The following RAD9B variants were observed in gnomAD, a reference collection of about 807,000 sequenced individuals.
The protein encoded by RAD9B is cell cycle checkpoint control protein RAD9B.
A neutral mutation model predicts 48.3 loss-of-function variants in RAD9B; 41 were observed. The observed-to-expected ratio is 0.85, with a 90% confidence interval of 0.66 to 1.10. The LOEUF is 1.10. Ranked by LOEUF, RAD9B falls within the 50% of genes least tolerant of loss-of-function variation. The pLI, the probability that RAD9B is intolerant of heterozygous loss-of-function variation, is 0.00. For synonymous variants in RAD9B, 160 were observed against 157.9 expected (o/e 1.01, Z -0.10); for missense variants, 444 against 485.1 (o/e 0.92, Z 0.80).
Position 110,515,098 on chromosome 12 carries a change from T to G in RAD9B, c.537T>G (p.Val179=), listed in dbSNP as rs1425730372. The G allele has an allele frequency of 2.6e-6, 4 of 1,557,228 alleles. 1 individual carries two copies. In the South Asian group the frequency reaches 4.7e-5, roughly 18 times the overall value. Residue 179 remains valine, a synonymous_variant, in exon 6 of 11, where the codon GTT becomes GTG. Transcript: ENST00000409300. ...TTTTTACATCAAGTCAAGAGGAAGT[T>G]ACTCTTGCTGTTACTCCACTGAATT... ...IVLFTSSQEE[V]TLAVTPLNFC... is the part of the protein sequence containing the mutation.
intron 4 of RAD9B, among the ~76,000 whole-genome samples, chr12:110,507,425 T>C (rs1213933859): frequency 7.1e-6 from 1 of 141,074 alleles, no homozygotes; most frequent in Non-Finnish European, 1.5e-5. Flanking sequence ...TAATATATAA[T>C]ATATATGTAT....
At chr12:110,528,372 G>T (rs73191836) in intron 10 of RAD9B, among the ~76,000 whole-genome samples, 12,181 of 152,248 alleles carry the variant, frequency 0.08, 530 homozygotes, top group Middle Eastern at 0.11. Context: ...TAGATTCAGG[G>T]CTTAGTAAGA....
rs78282443 is a variant in RAD9B at position 110,502,734 on chromosome 12, G to GT, written c.46+361dup. 6.2e-3 allele frequency: 1,118 copies of GT among 180,588 alleles called. 1 individual carries two copies. The highest frequency in any genetic ancestry group is 8.8e-3 in the Middle Eastern group (4 of 456). The allele number at this position is 180,588 out of a possible 1,614,324, so 11.2% of individuals were successfully genotyped here. A position where few individuals can be genotyped will look rare whatever the true frequency, so the allele number is the denominator to read the frequency against. On this transcript the variant is annotated intron_variant, in intron 1 of 10. Coordinates refer to ENST00000409300, the MANE Select transcript of RAD9B (RefSeq NM_001286535.2). Reference sequence around the variant, plus strand: ...GTGCCAAGAGAACAGCATTAACCTGGTTTTTTTTTTCCCCAGATTCTACCA... The same window carrying GT: ...GTGCCAAGAGAACAGCATTAACCTGGTTTTTTTTTTTCCCCAGATTCTACCA...
In RAD9B at chr12:110,518,438, A is replaced by G. The variant is rs2063675472; in HGVS notation, c.596-238A>G. 2.0e-5 allele frequency among the ~76,000 whole-genome samples: 3 copies of G among 152,228 alleles called. No individual in the cohort carries two copies. The South Asian group carries it at 6.2e-4, about 31-fold the overall frequency. ...TATTTAAACATAAACAGTTTAATTT[A>G]TGTGAAATGGACTTATAGACCCTGA... On this transcript the variant is annotated intron_variant, in intron 6 of 10. Coordinates refer to ENST00000409300, the MANE Select transcript of RAD9B (RefSeq NM_001286535.2).
At chr12:110,524,694 G>A (rs1159547137) in intron 10 of RAD9B, among the ~76,000 whole-genome samples, 2 of 152,036 alleles carry the variant, frequency 1.3e-5, no homozygotes, top group Admixed American at 6.5e-5. Flanking sequence ...AAGGTCAAGA[G>A]ATCGAGACCA....
In RAD9B at chr12:110,518,853, TTTC is replaced by T. The variant is rs757718002; in HGVS notation, c.703-15_703-13del. On this transcript the variant is annotated intron_variant, in intron 7 of 10. Transcript: ENST00000409300. ...AGTTTTTATAAGGATTTTAAGTTTT[TTTC>T]TTCTTTTCTTTTTTCAGGGAATACT... is the stretch of plus-strand genomic sequence containing the variant. 2 of 1,576,804 alleles carry T rather than the reference TTTC, an allele frequency of 1.3e-6. No individual in the cohort carries two copies. Among genetic ancestry groups the T allele is most frequent in the South Asian group, 1.2e-5 (1 of 85,892 alleles).
intron 1 of RAD9B, chr12:110,503,536 A>G: frequency 2.8e-6 from 1 of 360,864 alleles, no homozygotes; most frequent in Middle Eastern, 7.7e-4. Flanking sequence ...ATTGGTTTGC[A>G]CAGTAGCTCC....
Position 110,506,765 on chromosome 12 carries a change from A to G in RAD9B, c.388+72A>G. ...TAGTTTTCATGTTTAGAACATTGAT[A>G]TTTCATGTCAAGATTTCTCGTTACA... On this transcript the variant is annotated intron_variant, in intron 4 of 10. Transcript: ENST00000409300. 3 of 755,674 alleles carry G rather than the reference A, an allele frequency of 4.0e-6. No individual in the cohort carries two copies. The South Asian group carries it at 4.6e-5, about 12-fold the overall frequency. 46.8% of individuals were successfully genotyped at this position (755,674 alleles called of 1,614,324 possible).
chr12:110,507,431 T>C (rs1415539370), intron 4 of RAD9B, among the ~76,000 whole-genome samples: 1 of 140,896 alleles, frequency 7.1e-6, no homozygotes, highest in African/African-American at 2.6e-5. Flanking sequence ...ATAATATATA[T>C]GTATTAAATA....
chr12:110,510,291 T>G (rs1240222864), intron 4 of RAD9B, among the ~76,000 whole-genome samples: 1 of 152,232 alleles, frequency 6.6e-6, no homozygotes, highest in Non-Finnish European at 1.5e-5. Flanking sequence ...TGATTTGTTC[T>G]CTGCTAGTTC....
chr12:110,526,655 A>G (rs2063946847), intron 10 of RAD9B, among the ~76,000 whole-genome samples: 1 of 152,116 alleles, frequency 6.6e-6, no homozygotes, highest in African/African-American at 2.4e-5. Flanking sequence ...CATGCCTGTA[A>G]TCCCAGCACT....
intron 6 of RAD9B, among the ~76,000 whole-genome samples, chr12:110,516,051 AC>A (rs1433127188): frequency 1.3e-5 from 2 of 151,992 alleles, no homozygotes; most frequent in Non-Finnish European, 2.9e-5. Flanking sequence ...ACATAGTGAC[AC>A]CTCATCTTTA....
chr12:110,527,569 G>A (rs913532990), intron 10 of RAD9B, among the ~76,000 whole-genome samples: 3 of 152,254 alleles, frequency 2.0e-5, no homozygotes, highest in Admixed American at 2.0e-4. Context: ...GTTGTCTTGT[G>A]GTACTGTGCA....
chr12:110,530,872 G>T lies in RAD9B; in HGVS notation c.*219G>T. ...TTTAAATCCATTATGCTACTTGTGA[G>T]GCAGAAGAGTTTTCTGTGAAGGAAA... On this transcript the variant is annotated 3_prime_UTR_variant, in exon 11 of 11. Coordinates refer to ENST00000409300, the MANE Select transcript of RAD9B (RefSeq NM_001286535.2). 1 of 1,278,980 alleles carries T rather than the reference G, an allele frequency of 7.8e-7. No homozygotes were observed. The highest frequency in any genetic ancestry group is 9.9e-7 in the Non-Finnish European group (1 of 1,008,898). 79.2% of individuals were successfully genotyped at this position (1,278,980 alleles called of 1,614,324 possible). A position where few individuals can be genotyped will look rare whatever the true frequency, so the allele number is the denominator to read the frequency against.
chr12:110,506,779 T>C, intron 4 of RAD9B, 86 bp downstream of exon 4: 1 of 713,000 alleles, frequency 1.4e-6, no homozygotes, highest in East Asian at 2.6e-5. Flanking sequence ...CATGTCAAGA[T>C]TTCTCGTTAC....
chr12:110,522,064 C>A, intron 9 of RAD9B, 113 bp from the exon 10 acceptor site: 1 of 667,738 alleles, frequency 1.5e-6, no homozygotes. Flanking sequence ...CCATGTATTT[C>A]AATATATTCC....
At position 110,522,281 on chromosome 12, in the gene RAD9B, TCA is replaced by T. The variant is rs780869382; in HGVS notation, c.998_999del (p.Thr333LysfsTer22). 20 of 1,613,384 alleles carry T rather than the reference TCA, an allele frequency of 1.2e-5. No individual in the cohort carries two copies. The highest frequency in any genetic ancestry group is 1.5e-5 in the Non-Finnish European group (18 of 1,179,688). On this transcript the variant is annotated frameshift_variant, in exon 10 of 11. Coordinates refer to ENST00000409300, the MANE Select transcript of RAD9B (RefSeq NM_001286535.2). LOFTEE classifies it high-confidence loss of function. ...AGAAGGCTTTATCCTAAGGAGACTC[TCA>T]CAAACATATCTGCATTGGAAAACTG...
chr12:110,522,529 G>A lies in RAD9B; in HGVS notation c.1125+118G>A, dbSNP rs991470444. On this transcript the variant is annotated intron_variant, in intron 10 of 10. Coordinates refer to ENST00000409300, the MANE Select transcript of RAD9B (RefSeq NM_001286535.2). Reference sequence around the variant, plus strand: ...CTGAAAATTGATTTTCTTATTTTTTGATAGGGGAAAAGTGAAGCTAGTCTG... The same window carrying A: ...CTGAAAATTGATTTTCTTATTTTTTAATAGGGGAAAAGTGAAGCTAGTCTG... 5 of 725,698 alleles carry A rather than the reference G, an allele frequency of 6.9e-6. No homozygotes were observed. In the African/African-American group the frequency reaches 7.2e-5, roughly 10 times the overall value. 45.0% of individuals were successfully genotyped at this position (725,698 alleles called of 1,614,324 possible). A position where few individuals can be genotyped will look rare whatever the true frequency, so the allele number is the denominator to read the frequency against.
chr12:110,518,013 C>T (rs1310459091), intron 6 of RAD9B, among the ~76,000 whole-genome samples: 1 of 151,924 alleles, frequency 6.6e-6, no homozygotes, highest in African/African-American at 2.4e-5. Flanking sequence ...ACAGTGAAAC[C>T]CCATCTCTAC....
Sources: allele counts gnomAD v4.1 joint callset (sites outside exome capture counted in the v4.1 genomes callset), GRCh38; gene constraint gnomAD v4.1.1; transcripts MANE v1.5; gene names NCBI Gene and HGNC (gene_info 2026-07-23, HGNC 2026-07-21).